The following AFF2 variants were observed in gnomAD, a reference collection of about 807,000 sequenced individuals.
AFF2 encodes ALF transcription elongation factor 2.
A neutral mutation model predicts 76.9 loss-of-function variants in AFF2; 14 were observed. That is an observed-to-expected ratio of 0.18 (90% CI 0.12 to 0.28). The LOEUF is 0.28. Ranked by LOEUF, AFF2 falls within the 10% of genes least tolerant of loss-of-function variation. AFF2 has a pLI of 1.00. For missense variants in AFF2, 868 were observed against 1,001.1 expected (o/e 0.87, Z 1.79); for synonymous variants, 398 against 366.7 (o/e 1.09, Z -0.98).
At chrX:148,561,790 C>G (rs1051052762) in intron 1 of AFF2, among the ~76,000 whole-genome samples, 107 of 111,271 alleles carry the variant, frequency 9.6e-4, no homozygotes, top group African/African-American at 2.9e-3. Flanking sequence ...GCTACATTTT[C>G]TTACCCATTT....
intron 1 of AFF2, among the ~76,000 whole-genome samples, chrX:148,641,375 A>G (rs186569824): frequency 1.5e-3 from 173 of 111,933 alleles, no homozygotes; most frequent in Non-Finnish European, 2.8e-3. Flanking sequence ...ATTCCTCTCT[A>G]GTGACAGTTT....
intron 1 of AFF2, among the ~76,000 whole-genome samples, chrX:148,610,950 A>G (rs73618383): frequency 0.25 from 28,038 of 111,562 alleles, 2,920 homozygotes; most frequent in African/African-American, 0.41. Flanking sequence ...AGGAAACAAC[A>G]CTGAATGAAT....
chrX:148,914,966 A>AATC (rs1471875910), intron 9 of AFF2, among the ~76,000 whole-genome samples: 1 of 112,443 alleles, frequency 8.9e-6, no homozygotes, highest in Admixed American at 9.3e-5. Context: ...CCAAACAGTA[A>AATC]ATCAGTCCTC....
rs369921200 is a variant in AFF2, at chrX:148,874,434, GAA to G, written c.1263-11445_1263-11444del. Among the ~76,000 whole-genome samples the G allele has an allele frequency of 2.7e-3, 285 of 105,882 alleles. 1 individual carries two copies. Among genetic ancestry groups the G allele is most frequent in the African/African-American group, 8.9e-3 (259 of 29,078 alleles). The allele number at this position is 105,882 out of a possible 115,157, so 91.9% of individuals were successfully genotyped here. The stretch of plus-strand genomic sequence containing the variant: ...TTATAACTAGCCTTGTTTTAGAGAC[GAA>G]AAAAAAAAATGGCGACTCAGAGAGG... On this transcript the variant is annotated intron_variant, in intron 7 of 20. Transcript: ENST00000370460.
intron 9 of AFF2, among the ~76,000 whole-genome samples, chrX:148,946,207 C>T: frequency 8.9e-6 from 1 of 112,483 alleles, no homozygotes; most frequent in Non-Finnish European, 1.9e-5. Flanking sequence ...TTTGCAGCCT[C>T]TCTGGAAGAT....
chrX:148,755,665 T>G (rs782350083), intron 3 of AFF2, among the ~76,000 whole-genome samples: 1 of 112,297 alleles, frequency 8.9e-6, no homozygotes, highest in Non-Finnish European at 1.9e-5. Context: ...ACTCAAACAT[T>G]ATTTAAATTA....
At chrX:148,804,888 T>C (rs782010226) in intron 3 of AFF2, among the ~76,000 whole-genome samples, 1 of 111,835 alleles carries the variant, frequency 8.9e-6, no homozygotes, top group South Asian at 3.8e-4. Context: ...TGAACTGAGT[T>C]TGTAGTTTTC....
chrX:148,770,875 C>A (rs1294662444), intron 3 of AFF2, among the ~76,000 whole-genome samples: 2 of 112,113 alleles, frequency 1.8e-5, no homozygotes, highest in Non-Finnish European at 3.8e-5. Context: ...TCCTGAAGCG[C>A]CTGCTTACAA....
At chrX:148,707,409 T>C (rs1305196758) in intron 3 of AFF2, among the ~76,000 whole-genome samples, 1 of 111,261 alleles carries the variant, frequency 9.0e-6, no homozygotes, top group Non-Finnish European at 1.9e-5. Flanking sequence ...GGCACTTTCA[T>C]GTTTGGAAAT....
At chrX:148,950,418 G>A (rs1276928183) in intron 9 of AFF2, among the ~76,000 whole-genome samples, 1 of 111,822 alleles carries the variant, frequency 8.9e-6, no homozygotes, top group Non-Finnish European at 1.9e-5. Flanking sequence ...TTCCACAAAC[G>A]CTGGCTCTCC....
intron 3 of AFF2, among the ~76,000 whole-genome samples, chrX:148,804,357 G>T (rs1364121183): frequency 8.9e-6 from 1 of 111,736 alleles, no homozygotes; most frequent in Non-Finnish European, 1.9e-5. Flanking sequence ...ACTGCCCCTT[G>T]GAGCCCCCAG....
In AFF2 at chrX:148,501,021, A is replaced by G. The variant is rs2052341341; in HGVS notation, c.-77A>G. 1.7e-6 allele frequency: 2 copies of G among 1,144,064 alleles called. No individual in the cohort carries two copies. The highest frequency in any genetic ancestry group is 1.9e-5 in the African/African-American group (1 of 53,401). The allele number at this position is 1,144,064 out of a possible 1,213,427, so 94.3% of individuals were successfully genotyped here. A position where few individuals can be genotyped will look rare whatever the true frequency, so the allele number is the denominator to read the frequency against. ...GAGCCGGGGGCCGCCGAGAACCGCCAGCGAGCTGTGCCGAGAGCCGCGCCG... is the reference window on the plus strand; with the variant it reads ...GAGCCGGGGGCCGCCGAGAACCGCCGGCGAGCTGTGCCGAGAGCCGCGCCG... On this transcript the variant is annotated 5_prime_UTR_variant, in exon 1 of 21. Coordinates refer to ENST00000370460, the MANE Select transcript of AFF2 (RefSeq NM_002025.4).
At chrX:148,522,357 A>G (rs782003223) in intron 1 of AFF2, among the ~76,000 whole-genome samples, 2 of 112,671 alleles carry the variant, frequency 1.8e-5, no homozygotes, top group Non-Finnish European at 3.7e-5. Context: ...TGATAGGGAC[A>G]GTTTCACATT....
chrX:148,672,972 C>T (rs2054441496), intron 3 of AFF2, among the ~76,000 whole-genome samples: 1 of 111,379 alleles, frequency 9.0e-6, no homozygotes, highest in Non-Finnish European at 1.9e-5. Flanking sequence ...AGTAAGACTT[C>T]TCTCAATTGT....
Position 148,958,286 on chromosome X carries a change from C to T in AFF2, c.2569-51C>T, listed in dbSNP as rs782680626. 135 of 1,194,320 alleles carry T rather than the reference C, an allele frequency of 1.1e-4. 2 individuals are homozygous for T. The South Asian group carries it at 2.2e-3, about 19-fold the overall frequency. ...TTTTTAGTGTATAAAATATGGATGT[C>T]TGAATGGTGCCATGCATTTCAAGCT... On this transcript the variant is annotated intron_variant, in intron 11 of 20. Transcript: ENST00000370460.
intron 1 of AFF2, among the ~76,000 whole-genome samples, chrX:148,604,403 T>C (rs1197039643): frequency 1.8e-5 from 2 of 112,366 alleles, no homozygotes; most frequent in Non-Finnish European, 3.8e-5. Flanking sequence ...TTTATTTTTA[T>C]TTTTTAAGAG....
chrX:148,980,936 AATGGCAAGACAGAAAAGTTTAAAAAG>A (rs1374209973), intron 19 of AFF2, 146 bp downstream of exon 19: 1 of 362,012 alleles, frequency 2.8e-6, no homozygotes, highest in Non-Finnish European at 5.0e-6. Context: ...GGCTTCGGCT[AATGGCAAGACAGAAAAGTTTAAAAAG>A]ATGTGCTTCA....
At chrX:148,798,354 G>A (rs1260243169) in intron 3 of AFF2, among the ~76,000 whole-genome samples, 1 of 112,032 alleles carries the variant, frequency 8.9e-6, no homozygotes, top group Non-Finnish European at 1.9e-5. Context: ...TCAACATGAC[G>A]TTTTGAAAGG....
At chrX:148,737,519 GA>G (rs1338970836) in intron 3 of AFF2, among the ~76,000 whole-genome samples, 4 of 111,491 alleles carry the variant, frequency 3.6e-5, no homozygotes, top group Admixed American at 9.5e-5. Context: ...CTTTCTGGAG[GA>G]GTCCTTAGGG....
Sources: gnomAD v4.1 joint callset for allele counts (sites outside exome capture counted in the v4.1 genomes callset) on GRCh38, gnomAD v4.1.1 for gene constraint, MANE v1.5 for transcripts, NCBI Gene and HGNC (gene_info 2026-07-23, HGNC 2026-07-21) for gene names.